ZC3H13: variants seen among roughly 807,000 people sequenced by gnomAD.
ZC3H13 encodes the protein zinc finger CCCH domain-containing protein 13.
A neutral mutation model predicts 204.1 loss-of-function variants in ZC3H13; 64 were observed. That is an observed-to-expected ratio of 0.31 (90% CI 0.26 to 0.39). The LOEUF is 0.39. Among genes scored for constraint, ZC3H13 ranks in the 10% least tolerant of loss-of-function variants. The probability of loss-of-function intolerance (pLI) is 1.00; values close to 1 mark genes in which losing one functional copy is unlikely to be tolerated. For missense variants in ZC3H13, 1,833 were observed against 2,082.7 expected (o/e 0.88, Z 2.33); for synonymous variants, 667 against 693.7 (o/e 0.96, Z 0.60).
intron 17 of ZC3H13, among the ~76,000 whole-genome samples, chr13:45,961,443 T>C (rs1951678592): frequency 1.3e-5 from 2 of 151,412 alleles, no homozygotes; most frequent in Non-Finnish European, 2.9e-5. Flanking sequence ...CAGCACCAAA[T>C]TACTCAAGAA....
At chr13:46,031,896 C>T (rs1261354399) in intron 4 of ZC3H13, among the ~76,000 whole-genome samples, 2 of 152,090 alleles carry the variant, frequency 1.3e-5, no homozygotes, top group African/African-American at 4.8e-5. Context: ...ATATTCTTAC[C>T]ATATGATCCA....
intron 12 of ZC3H13, among the ~76,000 whole-genome samples, chr13:45,971,771 C>A (rs1387639132): frequency 1.3e-5 from 2 of 152,010 alleles, no homozygotes; most frequent in African/African-American, 4.8e-5. Flanking sequence ...GGACTAGTAT[C>A]CAGAATCTAT....
At chr13:46,044,435 C>T (rs1011981402) in intron 3 of ZC3H13, among the ~76,000 whole-genome samples, 5 of 151,892 alleles carry the variant, frequency 3.3e-5, no homozygotes, top group Non-Finnish European at 7.4e-5. Context: ...AAAGGCAAAA[C>T]GATGTTCGAA....
intron 17 of ZC3H13, among the ~76,000 whole-genome samples, chr13:45,960,055 G>A (rs1471686355): frequency 2.0e-5 from 3 of 152,024 alleles, no homozygotes; most frequent in African/African-American, 4.8e-5. Context: ...GGATTCAAGC[G>A]ATTCTCCTGC....
intron 1 of ZC3H13, among the ~76,000 whole-genome samples, chr13:46,050,899 T>C (rs1188283565): frequency 4.7e-5 from 7 of 150,140 alleles, no homozygotes; most frequent in Admixed American, 4.6e-4. Flanking sequence ...CATACAAAAA[T>C]ACAAAAAAAA....
At chr13:46,028,827 G>A (rs190794791) in intron 4 of ZC3H13, among the ~76,000 whole-genome samples, 8 of 152,158 alleles carry the variant, frequency 5.3e-5, no homozygotes, top group African/African-American at 1.9e-4. Flanking sequence ...GATATTTATA[G>A]CATTGAATGT....
rs143879310 is a variant in ZC3H13 at position 45,968,957 on chromosome 13, C to T, written c.3587G>A (p.Arg1196Gln). The change falls in exon 14 of 19, where the codon CGG becomes CAG. Residue 1196 changes from arginine to glutamine, a missense_variant. This residue lies in a region of ZC3H13 where 1,574 missense variants were observed against 1,757.2 expected (regional missense o/e 0.90). Coordinates refer to ENST00000679008, the MANE Select transcript of ZC3H13 (RefSeq NM_001330564.2). ...QKRSSSLGSN[R>Q]SNRSHTSGRL... ...ACCAGACGTATGACTACGGTTACTC[C>T]GATTGCTCCCGAGGCTGCTGCTCCT... 5.2e-3 allele frequency: 8,318 copies of T among 1,614,208 alleles called. 33 individuals are homozygous for T. The highest frequency in any genetic ancestry group is 5.8e-3 in the Non-Finnish European group (6,863 of 1,180,036).
At chr13:46,008,365 C>A (rs1226257355) in intron 7 of ZC3H13, among the ~76,000 whole-genome samples, 1 of 150,670 alleles carries the variant, frequency 6.6e-6, no homozygotes, top group Non-Finnish European at 1.5e-5. Flanking sequence ...TAAATGTTTT[C>A]TTTGTATTTT....
At chr13:45,963,330 A>T in intron 17 of ZC3H13, 1 of 986,590 alleles carries the variant, frequency 1.0e-6, no homozygotes, top group Non-Finnish European at 1.2e-6. Flanking sequence ...ATTTCTTTAG[A>T]CATGAAAAAT....
chr13:45,997,974 C>T (rs2040461098), intron 8 of ZC3H13, among the ~76,000 whole-genome samples: 1 of 152,146 alleles, frequency 6.6e-6, no homozygotes, highest in Non-Finnish European at 1.5e-5. Context: ...TGCTGCAATA[C>T]CAGCTTTAGA....
chr13:46,027,583 AAAATAGT>A, intron 4 of ZC3H13, among the ~76,000 whole-genome samples: 1 of 152,362 alleles, frequency 6.6e-6, no homozygotes, highest in East Asian at 1.9e-4. Context: ...ACTCCTTCAT[AAAATAGT>A]ACCAAACCCA....
At chr13:45,978,751 T>A (rs550093990) in intron 11 of ZC3H13, among the ~76,000 whole-genome samples, 5 of 151,486 alleles carry the variant, frequency 3.3e-5, no homozygotes, top group East Asian at 1.9e-4. Context: ...AAAAGAAATT[T>A]AAAAAAAAGC....
At chr13:46,044,879 T>A in intron 3 of ZC3H13, 76 bp downstream of exon 3, 1 of 1,047,854 alleles carries the variant, frequency 9.5e-7, no homozygotes, top group Non-Finnish European at 1.3e-6. Flanking sequence ...ATGGTTGTAT[T>A]TCAGATTTTT....
chr13:45,970,319 A>AATGAAT lies in ZC3H13; in HGVS notation c.2572+37_2572+42dup, dbSNP rs775690049. 1.6e-5 allele frequency: 26 copies of AATGAAT among 1,590,782 alleles called. No homozygotes were observed. The South Asian group carries it at 2.9e-4, about 18-fold the overall frequency. On this transcript the variant is annotated intron_variant, in intron 13 of 18. Transcript: ENST00000679008. ...ATGAAAGGATGGTTTCATGGTTACA[A>AATGAAT]ATGAATATGAATATAGAGAGACAGA...
Position 45,969,750 on chromosome 13 carries a change from T to C in ZC3H13, c.2794A>G (p.Met932Val), listed in dbSNP as rs778110017. 6 of 1,613,946 alleles carry C rather than the reference T, an allele frequency of 3.7e-6. No individual in the cohort carries two copies. In the Admixed American group the frequency reaches 8.3e-5, roughly 22 times the overall value. Reference protein sequence around the residue: ...EQTEILESSRMRAQDIIGHHQ... With the variant: ...EQTEILESSRVRAQDIIGHHQ... ...TGTCCTATAATGTCCTGTGCACGCA[T>C]TCTTGAGCTTTCCAGGATTTCTGTC... The change falls in exon 14 of 19, where the codon ATG becomes GTG. Residue 932 changes from methionine (M) to valine (V), a missense_variant. Met to Val is a conservative substitution (Grantham distance 21). This residue lies in a region of ZC3H13 where 1,574 missense variants were observed against 1,757.2 expected (regional missense o/e 0.90). Transcript: ENST00000679008.
intron 8 of ZC3H13, among the ~76,000 whole-genome samples, chr13:45,995,330 T>A (rs2040255549): frequency 1.3e-5 from 2 of 152,344 alleles, no homozygotes; most frequent in East Asian, 3.9e-4. Flanking sequence ...TTTCTAGATA[T>A]GAGTTTCTCT....
At chr13:45,981,000 T>C (rs371414671) in intron 10 of ZC3H13, among the ~76,000 whole-genome samples, 5 of 152,290 alleles carry the variant, frequency 3.3e-5, no homozygotes, top group Middle Eastern at 3.4e-3. Flanking sequence ...ACTGGAGAAG[T>C]TGGGGTAAGG....
chr13:45,972,519 A>G (rs1952669784), intron 12 of ZC3H13, among the ~76,000 whole-genome samples: 1 of 152,178 alleles, frequency 6.6e-6, no homozygotes, highest in South Asian at 2.1e-4. Context: ...TGACAGGTGC[A>G]CTAAAATCTC....
At chr13:45,957,512 T>A (rs144994540) in intron 18 of ZC3H13, among the ~76,000 whole-genome samples, 2 of 152,304 alleles carry the variant, frequency 1.3e-5, no homozygotes, top group African/African-American at 2.4e-5. Flanking sequence ...TAGTTTAACC[T>A]CTTGCTTAAA....
Sources: gnomAD v4.1 joint callset for allele counts (sites outside exome capture counted in the v4.1 genomes callset) on GRCh38, gnomAD v4.1.1 for gene constraint, gnomAD v4.1.1 regional missense constraint, MANE v1.5 for transcripts, NCBI Gene and HGNC (gene_info 2026-07-23, HGNC 2026-07-21) for gene names.